Variants in INPP4B observed in about 807,000 individuals in gnomAD.
INPP4B encodes the protein inositol polyphosphate-4-phosphatase type II B, also known as inositol polyphosphate 4-phosphatase type II.
Under a neutral mutation model 122.5 loss-of-function variants are expected in INPP4B, and 55 were observed. The ratio of observed to expected loss-of-function variants is 0.45; its 90% CI spans 0.36 to 0.56. The LOEUF is 0.56. Among genes scored for constraint, INPP4B ranks in the 20% least tolerant of loss-of-function variants. INPP4B has a pLI of 0.00. For synonymous variants in INPP4B, 403 were observed against 388.7 expected (o/e 1.04, Z -0.43); for missense variants, 1,000 against 1,097.7 (o/e 0.91, Z 1.26).
chr4:142,202,097 T>C (rs1409894783), intron 14 of INPP4B, among the ~76,000 whole-genome samples: 5 of 152,032 alleles, frequency 3.3e-5, no homozygotes, highest in Non-Finnish European at 7.4e-5. Flanking sequence ...TTTGTGAAAA[T>C]TGCATAGTAT....
chr4:142,754,209 A>G (rs1010728628), intron 1 of INPP4B, among the ~76,000 whole-genome samples: 3 of 151,914 alleles, frequency 2.0e-5, no homozygotes, highest in Non-Finnish European at 2.9e-5. Context: ...CTCAAACATA[A>G]CTCCAAAATA....
chr4:142,602,988 A>G (rs1740388677), intron 2 of INPP4B, among the ~76,000 whole-genome samples: 1 of 152,168 alleles, frequency 6.6e-6, no homozygotes, highest in Non-Finnish European at 1.5e-5. Context: ...GACTGGACAA[A>G]GAAAATGATA....
intron 2 of INPP4B, among the ~76,000 whole-genome samples, chr4:142,703,794 G>A (rs1333364729): frequency 6.6e-6 from 1 of 152,198 alleles, no homozygotes; most frequent in Admixed American, 6.5e-5. Context: ...ATGCATTCCA[G>A]TAGGTAAAGG....
chr4:142,166,211 T>G (rs2152925699), intron 16 of INPP4B, among the ~76,000 whole-genome samples: 1 of 151,786 alleles, frequency 6.6e-6, no homozygotes, highest in South Asian at 2.1e-4. Context: ...ACATTAAGGT[T>G]TATGATCAAT....
intron 10 of INPP4B, among the ~76,000 whole-genome samples, chr4:142,268,378 G>A (rs1040536167): frequency 7.1e-6 from 1 of 141,468 alleles, no homozygotes; most frequent in African/African-American, 2.6e-5. Flanking sequence ...GGTGTAGAGG[G>A]TGTAAACTAA....
rs761030247 is a variant in INPP4B, at chr4:142,024,502, T to G, written c.*4280A>C. The G allele has an allele frequency of 6.6e-6, 1 of 152,164 alleles. No homozygotes were observed. Among genetic ancestry groups the G allele is most frequent in the Non-Finnish European group, 1.5e-5 (1 of 68,012 alleles). The allele number at this position is 152,164 out of a possible 1,614,324, so 9.4% of individuals were successfully genotyped here. On this transcript the variant is annotated 3_prime_UTR_variant, in exon 26 of 26. Coordinates refer to ENST00000262992, the MANE Select transcript of INPP4B (RefSeq NM_001101669.3). The stretch of plus-strand genomic sequence containing the variant: ...ATGATCACAGTTTTTTTAGACAAGT[T>G]TCCTAAATCTGTGATAAAAGCTAAT...
intron 2 of INPP4B, among the ~76,000 whole-genome samples, chr4:142,562,772 A>C (rs1161577892): frequency 6.6e-6 from 1 of 152,196 alleles, no homozygotes; most frequent in Non-Finnish European, 1.5e-5. Context: ...TAGGGTAGAA[A>C]ACCAAAAGGT....
intron 2 of INPP4B, among the ~76,000 whole-genome samples, chr4:142,694,916 A>G (rs1301079930): frequency 6.6e-6 from 1 of 152,092 alleles, no homozygotes; most frequent in Non-Finnish European, 1.5e-5. Context: ...GCAAAAACAT[A>G]AGAAAAACCA....
intron 21 of INPP4B, among the ~76,000 whole-genome samples, chr4:142,119,800 C>G (rs336291): frequency 7.9e-6 from 1 of 127,268 alleles, no homozygotes; most frequent in African/African-American, 3.3e-5. Context: ...TATATATACA[C>G]ACACACACAC....
intron 2 of INPP4B, among the ~76,000 whole-genome samples, chr4:142,715,805 A>T (rs1171370523): frequency 6.6e-6 from 1 of 152,138 alleles, no homozygotes. Context: ...GACCATGGGG[A>T]GATAGCTTTT....
chr4:142,642,669 A>T (rs1256903583), intron 2 of INPP4B, among the ~76,000 whole-genome samples: 1 of 152,166 alleles, frequency 6.6e-6, no homozygotes, highest in Admixed American at 6.5e-5. Flanking sequence ...TGGTTACTGT[A>T]GCCTTGTAGT....
intron 12 of INPP4B, among the ~76,000 whole-genome samples, chr4:142,234,223 C>T (rs1855693843): frequency 6.6e-6 from 1 of 152,184 alleles, no homozygotes; most frequent in Non-Finnish European, 1.5e-5. Context: ...CATCTTTTCT[C>T]TCATCCATTT....
intron 25 of INPP4B, among the ~76,000 whole-genome samples, chr4:142,056,214 A>G (rs1231737101): frequency 6.6e-6 from 1 of 152,108 alleles, no homozygotes; most frequent in Non-Finnish European, 1.5e-5. Context: ...AACAGGCCAC[A>G]GACCTGATAC....
At chr4:142,159,188 G>A (rs1325000172) in intron 17 of INPP4B, among the ~76,000 whole-genome samples, 3 of 151,396 alleles carry the variant, frequency 2.0e-5, no homozygotes, top group African/African-American at 7.3e-5. Flanking sequence ...AACAGAACAC[G>A]TGCTGTTATT....
chr4:142,650,765 A>G (rs545699771), intron 2 of INPP4B, among the ~76,000 whole-genome samples: 2 of 152,312 alleles, frequency 1.3e-5, no homozygotes, highest in East Asian at 3.9e-4. Flanking sequence ...CCCACACAAG[A>G]ATAATGGGAG....
At chr4:142,680,440 C>A (rs1180884872) in intron 2 of INPP4B, among the ~76,000 whole-genome samples, 1 of 151,754 alleles carries the variant, frequency 6.6e-6, no homozygotes, top group Non-Finnish European at 1.5e-5. Context: ...TTACTTCTCC[C>A]TCTAAAATAT....
intron 12 of INPP4B, among the ~76,000 whole-genome samples, chr4:142,217,428 A>G (rs1466576795): frequency 1.3e-5 from 2 of 152,128 alleles, no homozygotes; most frequent in African/African-American, 2.4e-5. Context: ...TGTTGTTCTT[A>G]TATTTTCCTA....
chr4:142,419,869 C>A (rs1806500555), intron 5 of INPP4B, among the ~76,000 whole-genome samples: 1 of 152,014 alleles, frequency 6.6e-6, no homozygotes, highest in Non-Finnish European at 1.5e-5. Context: ...TCTCTCTCTC[C>A]CAACCCTGGT....
At chr4:142,602,750 TG>T (rs1305138175) in intron 2 of INPP4B, among the ~76,000 whole-genome samples, 3 of 152,198 alleles carry the variant, frequency 2.0e-5, no homozygotes, top group African/African-American at 7.2e-5. Context: ...GGAACACTTT[TG>T]CACGTTGGTG....
Sources: gnomAD v4.1 joint callset for allele counts (sites outside exome capture counted in the v4.1 genomes callset) on GRCh38, gnomAD v4.1.1 for gene constraint, MANE v1.5 for transcripts, NCBI Gene and HGNC (gene_info 2026-07-23, HGNC 2026-07-21) for gene names.